Variants in HPF1 observed in about 807,000 individuals in gnomAD.
HPF1 encodes UPF0609 protein C4orf27.
Under a neutral mutation model 38.8 loss-of-function variants are expected in HPF1, and 35 were observed. The ratio of observed to expected loss-of-function variants is 0.90; its 90% confidence interval spans 0.69 to 1.19. The LOEUF (loss-of-function observed/expected upper bound fraction) is 1.19. HPF1 is among the 50% of genes most tolerant of loss of function. The probability of loss-of-function intolerance (pLI) is 0.00; values close to 1 mark genes in which losing one functional copy is unlikely to be tolerated. For synonymous variants in HPF1, 115 were observed against 139.2 expected (o/e 0.83, Z 1.22); for missense variants, 367 against 405.8 (o/e 0.90, Z 0.82).
chr4:169,756,504 T>G (rs1734189805), intron 1 of HPF1, among the ~76,000 whole-genome samples: 1 of 152,174 alleles, frequency 6.6e-6, no homozygotes, highest in African/African-American at 2.4e-5. Context: ...AAAGGCAGTT[T>G]TGCATAATAG....
chr4:169,743,301 G>C (rs1386845346), intron 4 of HPF1, among the ~76,000 whole-genome samples: 3 of 151,316 alleles, frequency 2.0e-5, no homozygotes, highest in Non-Finnish European at 4.4e-5. Flanking sequence ...GTGGAGACAG[G>C]GTTTCCTCAT....
intron 2 of HPF1, among the ~76,000 whole-genome samples, chr4:169,752,280 C>G (rs1424172793): frequency 6.7e-6 from 1 of 148,256 alleles, no homozygotes; most frequent in African/African-American, 2.5e-5. Context: ...AAGCAATTCT[C>G]TGCCTCAGCC....
At chr4:169,734,367 G>C (rs1488492858) in intron 6 of HPF1, among the ~76,000 whole-genome samples, 1 of 152,114 alleles carries the variant, frequency 6.6e-6, no homozygotes, top group Non-Finnish European at 1.5e-5. Context: ...TACAAATCAG[G>C]GTGGGTATGG....
chr4:169,738,595 C>G (rs1262406712), intron 5 of HPF1, among the ~76,000 whole-genome samples: 2 of 152,120 alleles, frequency 1.3e-5, no homozygotes, highest in Admixed American at 6.5e-5. Context: ...CCCTATTCTC[C>G]CAGTCTCTTG....
In HPF1 at chr4:169,729,590, T is replaced by C; in HGVS notation, c.1029A>G (p.Gln343=). 1.3e-6 allele frequency: 2 copies of C among 1,547,556 alleles called. No homozygotes were observed. Among genetic ancestry groups the C allele is most frequent in the South Asian group, 1.3e-5 (1 of 78,730 alleles). The change falls in exon 8 of 8, where the codon CAA becomes CAG. Residue 343 remains glutamine, a synonymous_variant. Transcript: ENST00000393381. The part of the protein sequence containing the change: ...LANRSQENID[Q]LAA ...AAAGCCACCTTACTCATGCAGCAAG[T>C]TGGTCTATGTTCTCTTGACTTCTGT...
At chr4:169,746,375 G>A (rs1026587202) in intron 4 of HPF1, among the ~76,000 whole-genome samples, 7 of 152,012 alleles carry the variant, frequency 4.6e-5, no homozygotes, top group African/African-American at 1.7e-4. Context: ...CACCTATTAA[G>A]AAATCTTAGA....
In HPF1 at chr4:169,757,842, T is replaced by C. The variant is rs11540095; in HGVS notation, c.36A>G (p.Gly12=). 1,232,538 of 1,563,008 alleles carry C rather than the reference T, an allele frequency of 0.79. 487,362 individuals carry two copies. Among genetic ancestry groups the C allele is most frequent in the East Asian group, 0.89 (37,467 of 42,220 alleles). Reference sequence around the variant, plus strand: ...TTTCCGGCAGTACCTGCGGCCCCTCTCCGCCGGGCCTGCGCTTCCCGCCAC... The same window carrying C: ...TTTCCGGCAGTACCTGCGGCCCCTCCCCGCCGGGCCTGCGCTTCCCGCCAC... The part of the protein sequence containing the change: ...VGGGGKRRPG[G]EGPQCEKTTD... Residue 12 remains glycine, a synonymous_variant, in exon 1 of 8, where the codon GGA becomes GGG. Transcript: ENST00000393381.
chr4:169,731,535 TA>T (rs966279460), intron 7 of HPF1, among the ~76,000 whole-genome samples, 168 bp downstream of exon 7: 2 of 152,170 alleles, frequency 1.3e-5, no homozygotes, highest in East Asian at 3.9e-4. Context: ...ACATCTACGT[TA>T]AAAAAAATCA....
At position 169,753,538 on chromosome 4, in the gene HPF1, C is replaced by A. The variant is rs374350897; in HGVS notation, c.208+138G>T. The stretch of plus-strand genomic sequence containing the variant: ...TTTGTGGAGGTCTCACTATGTTGAC[C>A]AGGTTGGTCTCAAACTCCTGGCCTC... On this transcript the variant is annotated intron_variant, in intron 2 of 7. Transcript: ENST00000393381. The A allele has an allele frequency of 1.5e-4, 105 of 686,308 alleles. No homozygotes were observed. The African/African-American group carries it at 1.7e-3, about 11-fold the overall frequency. The allele number at this position is 686,308 out of a possible 1,614,324, so 42.5% of individuals were successfully genotyped here.
chr4:169,747,677 A>G (rs1195250120), intron 4 of HPF1, among the ~76,000 whole-genome samples: 1 of 152,190 alleles, frequency 6.6e-6, no homozygotes, highest in African/African-American at 2.4e-5. Flanking sequence ...CTTCCCCATG[A>G]AAGTTCACTG....
chr4:169,744,406 C>G (rs1157770037), intron 4 of HPF1, among the ~76,000 whole-genome samples: 1 of 152,200 alleles, frequency 6.6e-6, no homozygotes, highest in Admixed American at 6.5e-5. Flanking sequence ...CCGAAACCTA[C>G]TCTAACACTT....
intron 1 of HPF1, 70 bp from the exon 2 acceptor site, chr4:169,753,905 C>T (rs774352575): frequency 1.1e-4 from 137 of 1,192,248 alleles, no homozygotes; most frequent in Non-Finnish European, 1.6e-4. Flanking sequence ...GTATCTATCA[C>T]TCTTGTTCAC....
chr4:169,741,916 T>G lies in HPF1; in HGVS notation c.648+41A>C, dbSNP rs924136268. The G allele has an allele frequency of 2.5e-6, 4 of 1,570,334 alleles. No homozygotes were observed. In the African/African-American group the frequency reaches 4.1e-5, roughly 16 times the overall value. Reference sequence around the variant, plus strand: ...GGAAGGAATCAAGAGGGGAAAAAAATATGCTATAGCAAAACAGAGACCAAC... The same window carrying G: ...GGAAGGAATCAAGAGGGGAAAAAAAGATGCTATAGCAAAACAGAGACCAAC... On this transcript the variant is annotated intron_variant, in intron 5 of 7. Transcript: ENST00000393381.
chr4:169,736,509 C>CA (rs139041122), intron 6 of HPF1, among the ~76,000 whole-genome samples: 6,346 of 152,232 alleles, frequency 0.042, 141 homozygotes, highest in African/African-American at 0.061. Context: ...AGGGGTACAG[C>CA]AAAAACAGGT....
intron 4 of HPF1, among the ~76,000 whole-genome samples, chr4:169,746,683 T>C (rs1734051306): frequency 1.3e-5 from 2 of 152,024 alleles, no homozygotes; most frequent in Non-Finnish European, 1.5e-5. Context: ...TTTTAAAATA[T>C]ATAAAGAAAT....
intron 6 of HPF1, among the ~76,000 whole-genome samples, chr4:169,735,973 T>C (rs1299706585): frequency 6.9e-6 from 1 of 145,884 alleles, no homozygotes; most frequent in Non-Finnish European, 1.5e-5. Flanking sequence ...ACAGGTGAAA[T>C]TAAGATATTT....
At chr4:169,752,068 C>T (rs911132015) in intron 2 of HPF1, among the ~76,000 whole-genome samples, 5 of 151,972 alleles carry the variant, frequency 3.3e-5, no homozygotes, top group African/African-American at 1.2e-4. Flanking sequence ...AAAGAGGTAA[C>T]CATCTATTCT....
chr4:169,745,266 C>G (rs1194572274), intron 4 of HPF1, among the ~76,000 whole-genome samples: 5 of 152,212 alleles, frequency 3.3e-5, no homozygotes, highest in Non-Finnish European at 7.3e-5. Context: ...AGCTCCCTTT[C>G]CAAAAGGACA....
intron 6 of HPF1, among the ~76,000 whole-genome samples, chr4:169,735,569 C>T (rs559780846): frequency 2.6e-5 from 4 of 152,260 alleles, no homozygotes; most frequent in Non-Finnish European, 4.4e-5. Context: ...AACCCCAGAA[C>T]CACAACTACC....
Sources: allele counts gnomAD v4.1 joint callset (sites outside exome capture counted in the v4.1 genomes callset), GRCh38; gene constraint gnomAD v4.1.1; transcripts MANE v1.5; gene names NCBI Gene and HGNC (gene_info 2026-07-23, HGNC 2026-07-21).